Variants in KLF6 observed in about 807,000 individuals in gnomAD.
The protein encoded by KLF6 is Krueppel-like factor 6.
For missense variants in KLF6, 233 were observed against 359.8 expected (o/e 0.65, Z 2.85); for synonymous variants, 152 against 147.9 (o/e 1.03, Z -0.20).
intron 3 of KLF6, 127 bp from the exon 4 acceptor site, chr10:3,779,717 C>A (rs1192462351): frequency 1.2e-6 from 1 of 836,958 alleles, no homozygotes; most frequent in South Asian, 1.4e-5. Flanking sequence ...GGATTCTCCT[C>A]CCAAGCCTCA....
chr10:3,779,968 C>T, intron 3 of KLF6, 138 bp downstream of exon 3: 5 of 1,139,366 alleles, frequency 4.4e-6, no homozygotes, highest in Non-Finnish European at 6.4e-6. Context: ...TCTAAAAAGT[C>T]CCAGGCTTGA....
At position 3,776,086 on chromosome 10, in the gene KLF6, C is replaced by A. The variant is rs1438094893; in HGVS notation, c.*3453G>T. On this transcript the variant is annotated 3_prime_UTR_variant, in exon 4 of 4. Coordinates refer to ENST00000497571, the MANE Select transcript of KLF6 (RefSeq NM_001300.6). ...AGCCCTCTGGCCTGGAGTCCCTCTG[C>A]CTCCTCCACCCCTCCCAGACATGCC... 1.9e-6 allele frequency: 1 copy of A among 528,440 alleles called. No individual in the cohort carries two copies. Among genetic ancestry groups the A allele is most frequent in the East Asian group, 4.0e-5 (1 of 25,202 alleles). 32.7% of individuals were successfully genotyped at this position (528,440 alleles called of 1,614,324 possible).
rs758505830 is a variant in KLF6 at position 3,781,791 on chromosome 10, G to C, written c.526C>G (p.Arg176Gly). ...CCTGGCTTCCCCGAAGTCCCGCTGC[G>C]CACCTTCCCTGGCGAGGGCAGCTCC... Reference protein sequence around the residue: ...PGELPSPGKVRSGTSGKPGDK... With the variant: ...PGELPSPGKVGSGTSGKPGDK... The change falls in exon 2 of 4, where the codon CGC becomes GGC. Residue 176 changes from arginine (R) to glycine (G), a missense_variant. Arg to Gly is a moderately radical substitution (Grantham distance 125). Coordinates refer to ENST00000497571, the MANE Select transcript of KLF6 (RefSeq NM_001300.6). This position sits in a 1 kb window ranked among gnomAD's most constrained non-coding sequence, Gnocchi z 5.8. 6.2e-7 allele frequency: 1 copy of C among 1,614,230 alleles called. No individual in the cohort carries two copies. Among genetic ancestry groups the C allele is most frequent in the South Asian group, 1.1e-5 (1 of 91,088 alleles).
In KLF6 at chr10:3,780,705, G is replaced by A. The variant is rs1011283715; in HGVS notation, c.677-476C>T. ...AGCTGAAGTTACGAGCTTCTGGAAA[G>A]CCCCAGTACAGGGCCCCGGAATCAT... On this transcript the variant is annotated intron_variant, in intron 2 of 3. Coordinates refer to ENST00000497571, the MANE Select transcript of KLF6 (RefSeq NM_001300.6). This position sits in a 1 kb window ranked among gnomAD's most constrained non-coding sequence, Gnocchi z 4.6. 3.9e-6 allele frequency: 1 copy of A among 254,896 alleles called. No individual in the cohort carries two copies. Among genetic ancestry groups the A allele is most frequent in the African/African-American group, 2.2e-5 (1 of 45,628 alleles). 15.8% of individuals were successfully genotyped at this position (254,896 alleles called of 1,614,324 possible).
rs770527003 is a variant in KLF6, at chr10:3,779,410, G to A, written c.*129C>T. The A allele has an allele frequency of 4.6e-5, 37 of 800,246 alleles. No individual in the cohort carries two copies. The South Asian group carries it at 4.8e-4, about 10-fold the overall frequency. The allele number at this position is 800,246 out of a possible 1,614,324, so 49.6% of individuals were successfully genotyped here. On this transcript the variant is annotated 3_prime_UTR_variant, in exon 4 of 4. Coordinates refer to ENST00000497571, the MANE Select transcript of KLF6 (RefSeq NM_001300.6). ...TTTTAGCCCTCAAAAGACCTTCCAA[G>A]GAGAGGCCCTGGAGGCAACTGGGTA... is the stretch of plus-strand genomic sequence containing the variant.
Position 3,776,943 on chromosome 10 carries a change from TTTG to T in KLF6, c.*2593_*2595del. Reference sequence around the variant, plus strand: ...AGTTTTTTTTTTTCCTTTTTTTTTTTTTGTCTTTTGCTTACCTTCTTGCTTAAT... The same window carrying T: ...AGTTTTTTTTTTTCCTTTTTTTTTTTTCTTTTGCTTACCTTCTTGCTTAAT... On this transcript the variant is annotated 3_prime_UTR_variant, in exon 4 of 4. Transcript: ENST00000497571. The T allele has an allele frequency of 3.9e-6, 2 of 511,018 alleles. No homozygotes were observed. Among genetic ancestry groups the T allele is most frequent in the Admixed American group, 2.4e-5 (1 of 41,716 alleles). 31.7% of individuals were successfully genotyped at this position (511,018 alleles called of 1,614,324 possible).
At position 3,776,239 on chromosome 10, in the gene KLF6, G is replaced by A; in HGVS notation, c.*3300C>T. On this transcript the variant is annotated 3_prime_UTR_variant, in exon 4 of 4. Coordinates refer to ENST00000497571, the MANE Select transcript of KLF6 (RefSeq NM_001300.6). ...AGTTTGTCGTTGTGCAGGTGCCTCTGCAATGCATTCCCTGGCTTGAGCAAT... is the reference window on the plus strand; with the variant it reads ...AGTTTGTCGTTGTGCAGGTGCCTCTACAATGCATTCCCTGGCTTGAGCAAT... 1.9e-6 allele frequency: 1 copy of A among 529,018 alleles called. No individual in the cohort carries two copies. Among genetic ancestry groups the A allele is most frequent in the Non-Finnish European group, 3.7e-6 (1 of 273,650 alleles). The allele number at this position is 529,018 out of a possible 1,614,324, so 32.8% of individuals were successfully genotyped here. A position where few individuals can be genotyped will look rare whatever the true frequency, so the allele number is the denominator to read the frequency against.
rs377011511 is a variant in KLF6, at chr10:3,782,842, C to G, written c.103-628G>C. 2.6e-4 allele frequency among the ~76,000 whole-genome samples: 39 copies of G among 152,330 alleles called. No homozygotes were observed. The highest frequency in any genetic ancestry group is 8.4e-4 in the African/African-American group (35 of 41,568). ...CCATTTCCTGTGTAGCCCAGACCGCCTATGTTTTCACAGAATGCCGTTCCC... is the reference window on the plus strand; with the variant it reads ...CCATTTCCTGTGTAGCCCAGACCGCGTATGTTTTCACAGAATGCCGTTCCC... On this transcript the variant is annotated intron_variant, in intron 1 of 3. Transcript: ENST00000497571. The surrounding 1 kb of genome is among the most constrained non-coding windows in gnomAD (Gnocchi z 4.3).
In KLF6 at chr10:3,777,554, C is replaced by A. The variant is rs774384200; in HGVS notation, c.*1985G>T. 31 of 510,924 alleles carry A rather than the reference C, an allele frequency of 6.1e-5. No homozygotes were observed. Among genetic ancestry groups the A allele is most frequent in the Middle Eastern group, 5.6e-4 (1 of 1,792 alleles). 31.6% of individuals were successfully genotyped at this position (510,924 alleles called of 1,614,324 possible). ...AGACCTGCCCATTTGATGGACAGAG[C>A]AGACAGCCCGGAACAGATTCAAGCA... On this transcript the variant is annotated 3_prime_UTR_variant, in exon 4 of 4. Transcript: ENST00000497571.
At chr10:3,779,629 C>T (rs775028660) in intron 3 of KLF6, 39 bp from the exon 4 acceptor site, 3 of 1,598,564 alleles carry the variant, frequency 1.9e-6, no homozygotes, top group South Asian at 1.1e-5. Flanking sequence ...AAGTTAGGTT[C>T]CCATCCCTTG....
rs1832496827 is a variant in KLF6 at position 3,780,687 on chromosome 10, G to A, written c.677-458C>T. On this transcript the variant is annotated intron_variant, in intron 2 of 3. Transcript: ENST00000497571. The surrounding 1 kb of genome is among the most constrained non-coding windows in gnomAD (Gnocchi z 4.6). Reference sequence around the variant, plus strand: ...CGTTCTACCTTTCTACAAAGCTGAAGTTACGAGCTTCTGGAAAGCCCCAGT... The same window carrying A: ...CGTTCTACCTTTCTACAAAGCTGAAATTACGAGCTTCTGGAAAGCCCCAGT... 7.6e-6 allele frequency: 2 copies of A among 262,778 alleles called. No individual in the cohort carries two copies. Among genetic ancestry groups the A allele is most frequent in the South Asian group, 4.3e-5 (1 of 22,996 alleles). 16.3% of individuals were successfully genotyped at this position (262,778 alleles called of 1,614,324 possible). A position where few individuals can be genotyped will look rare whatever the true frequency, so the allele number is the denominator to read the frequency against.
intron 1 of KLF6, among the ~76,000 whole-genome samples, chr10:3,784,441 A>T (rs142089292): frequency 2.0e-5 from 3 of 152,140 alleles, no homozygotes; most frequent in Admixed American, 6.5e-5. Flanking sequence ...CAGAAAACAC[A>T]TTGGAAATGG....
chr10:3,778,970 G>A lies in KLF6; in HGVS notation c.*569C>T, dbSNP rs765272922. 10 of 534,536 alleles carry A rather than the reference G, an allele frequency of 1.9e-5. No homozygotes were observed. Among genetic ancestry groups the A allele is most frequent in the East Asian group, 7.8e-5 (2 of 25,764 alleles). The allele number at this position is 534,536 out of a possible 1,614,324, so 33.1% of individuals were successfully genotyped here. A position where few individuals can be genotyped will look rare whatever the true frequency, so the allele number is the denominator to read the frequency against. ...GAGGCTCTCCCTCCCCACACCACTC[G>A]CCACTCTGGGGTCCTGAGTTCCCAC... On this transcript the variant is annotated 3_prime_UTR_variant, in exon 4 of 4. Coordinates refer to ENST00000497571, the MANE Select transcript of KLF6 (RefSeq NM_001300.6).
In KLF6 at chr10:3,779,590, C is replaced by A; in HGVS notation, c.801G>T (p.Arg267Ser). Reference protein sequence around the residue: ...AKPFKCSHCDRCFSRSDHLAL... With the variant: ...AKPFKCSHCDSCFSRSDHLAL... ...CCAGGTGGTCAGACCTGGAAAAACA[C>A]CTGCAAGGGCAAATCAGAAGCACAG... Residue 267 changes from arginine (R) to serine (S), a missense_variant and splice_region_variant, in exon 4 of 4, where the codon AGG becomes AGT. By Grantham distance (110) the Arg-to-Ser change is moderately radical (BLOSUM62 -1). Coordinates refer to ENST00000497571, the MANE Select transcript of KLF6 (RefSeq NM_001300.6). The A allele has an allele frequency of 6.2e-7, 1 of 1,614,104 alleles. No individual in the cohort carries two copies. The highest frequency in any genetic ancestry group is 8.5e-7 in the Non-Finnish European group (1 of 1,179,932).
At chr10:3,784,413 G>C (rs772245207) in intron 1 of KLF6, among the ~76,000 whole-genome samples, 1 of 152,068 alleles carries the variant, frequency 6.6e-6, no homozygotes, top group Non-Finnish European at 1.5e-5. Flanking sequence ...TAGGGGAAAT[G>C]TTAGGCATTC....
Position 3,781,862 on chromosome 10 carries a change from G to A in KLF6, c.455C>T (p.Pro152Leu), listed in dbSNP as rs753240281. The change falls in exon 2 of 4, where the codon CCG becomes CTG. Residue 152 changes from proline (P) to leucine (L), a missense_variant. Physicochemically the swap from Pro to Leu is moderately conservative, Grantham distance 98 (BLOSUM62 -3). Coordinates refer to ENST00000497571, the MANE Select transcript of KLF6 (RefSeq NM_001300.6). This position sits in a 1 kb window ranked among gnomAD's most constrained non-coding sequence, Gnocchi z 5.8. Reference sequence around the variant, plus strand: ...TTGAGAAGGTTCCCTGCTCAGTTCCGGAGAAGATGGAGGCGTGGAGGTGAC... The same window carrying A: ...TTGAGAAGGTTCCCTGCTCAGTTCCAGAGAAGATGGAGGCGTGGAGGTGAC... ...SSVTSTPPSSPELSREPSQLW... is the reference protein window; with the variant it reads ...SSVTSTPPSSLELSREPSQLW... The A allele has an allele frequency of 3.7e-6, 6 of 1,614,214 alleles. No individual in the cohort carries two copies. The highest frequency in any genetic ancestry group is 1.3e-5 in the African/African-American group (1 of 75,052).
Position 3,780,281 on chromosome 10 carries a change from G to A in KLF6, c.677-52C>T, listed in dbSNP as rs558323160. On this transcript the variant is annotated intron_variant, in intron 2 of 3. Transcript: ENST00000497571. This position sits in a 1 kb window ranked among gnomAD's most constrained non-coding sequence, Gnocchi z 4.6. ...CCCATGACTTCACTGACCCGCAGAC[G>A]GAAAGGGGAAATTCAACAACACACA... 6.8e-6 allele frequency: 11 copies of A among 1,606,914 alleles called. No individual in the cohort carries two copies. The highest frequency in any genetic ancestry group is 4.0e-5 in the African/African-American group (3 of 75,018).
Position 3,781,684 on chromosome 10 carries a change from G to A in KLF6, c.633C>T (p.Tyr211=), listed in dbSNP as rs763838999. 70 of 1,613,436 alleles carry A rather than the reference G, an allele frequency of 4.3e-5. No homozygotes were observed. The Middle Eastern group carries it at 2.5e-3, about 57-fold the overall frequency. Residue 211 remains tyrosine, a synonymous_variant, in exon 2 of 4, where the codon TAC becomes TAT. Coordinates refer to ENST00000497571, the MANE Select transcript of KLF6 (RefSeq NM_001300.6). The surrounding 1 kb of genome is among the most constrained non-coding windows in gnomAD (Gnocchi z 5.8). ...GTGCTTTCAAGTGGGAGCTTTTGGT[G>A]TAAACTTTCCTGCAGCCGTTAAAGT... is the stretch of plus-strand genomic sequence containing the variant. ...RCHFNGCRKV[Y]TKSSHLKAHQ... is the part of the protein sequence containing the mutation.
In KLF6 at chr10:3,776,264, T is replaced by C. The variant is rs897968007; in HGVS notation, c.*3275A>G. 2 of 532,726 alleles carry C rather than the reference T, an allele frequency of 3.8e-6. No homozygotes were observed. The highest frequency in any genetic ancestry group is 2.2e-5 in the Admixed American group (1 of 44,960). The allele number at this position is 532,726 out of a possible 1,614,324, so 33.0% of individuals were successfully genotyped here. ...GCAATGCATTCCCTGGCTTGAGCAA[T>C]GGAAGATCAAACCGGCATGGTTCCC... On this transcript the variant is annotated 3_prime_UTR_variant, in exon 4 of 4. Coordinates refer to ENST00000497571, the MANE Select transcript of KLF6 (RefSeq NM_001300.6).
Sources: allele counts gnomAD v4.1 joint callset (sites outside exome capture counted in the v4.1 genomes callset), GRCh38; gene constraint gnomAD v4.1.1; non-coding constraint Gnocchi (gnomAD v3.1); transcripts MANE v1.5; gene names NCBI Gene and HGNC (gene_info 2026-07-23, HGNC 2026-07-21).